Variants in GRID2 observed in about 807,000 individuals in gnomAD.
GRID2 encodes glutamate ionotropic receptor delta type subunit 2.
In GRID2, 33 loss-of-function variants were observed where a neutral mutation model predicts 114.8. The ratio of observed to expected loss-of-function variants is 0.29; its 90% confidence interval spans 0.22 to 0.38. The LOEUF is 0.38. GRID2 is among the 10% of genes least tolerant of loss of function. The probability of loss-of-function intolerance (pLI) is 1.00; values close to 1 mark genes in which losing one functional copy is unlikely to be tolerated. For synonymous variants in GRID2, 505 were observed against 449.9 expected, an observed-to-expected ratio of 1.12 and a Z score of -1.55; for missense variants, 1,184 against 1,257.7, an observed-to-expected ratio of 0.94 and a Z score of 0.89.
intron 10 of GRID2, among the ~76,000 whole-genome samples, chr4:93,443,725 C>CCTGG (rs1721830507): frequency 6.6e-6 from 1 of 151,694 alleles, no homozygotes. Context: ...GGTCAGAGTG[C>CCTGG]CTGGCTAAGA....
intron 1 of GRID2, among the ~76,000 whole-genome samples, chr4:92,391,442 CAGTATT>C (rs1159594934): frequency 6.6e-6 from 1 of 151,938 alleles, no homozygotes; most frequent in Non-Finnish European, 1.5e-5. Flanking sequence ...ATAATATTAA[CAGTATT>C]AGTAGAAAAT....
intron 8 of GRID2, among the ~76,000 whole-genome samples, chr4:93,239,820 G>T (rs527419246): frequency 1.3e-5 from 2 of 151,516 alleles, no homozygotes; most frequent in African/African-American, 4.8e-5. Context: ...TAATTTATTT[G>T]CATTTAAAAT....
chr4:93,503,256 A>C (rs1728299757), intron 12 of GRID2, among the ~76,000 whole-genome samples: 1 of 152,084 alleles, frequency 6.6e-6, no homozygotes, highest in Non-Finnish European at 1.5e-5. Context: ...TGGCAGAAGA[A>C]TATTATTAAA....
At chr4:93,287,609 A>G (rs1235232655) in intron 8 of GRID2, among the ~76,000 whole-genome samples, 1 of 152,222 alleles carries the variant, frequency 6.6e-6, no homozygotes, top group Non-Finnish European at 1.5e-5. Flanking sequence ...GTTTAACTTA[A>G]TGAAAGGACA....
intron 14 of GRID2, among the ~76,000 whole-genome samples, chr4:93,670,267 C>T (rs1233212025): frequency 2.6e-5 from 4 of 152,086 alleles, no homozygotes; most frequent in Non-Finnish European, 5.9e-5. Context: ...CCCTGAAACT[C>T]AAGGTGCAGT....
At chr4:92,772,411 G>T (rs963034467) in intron 2 of GRID2, among the ~76,000 whole-genome samples, 1 of 151,928 alleles carries the variant, frequency 6.6e-6, no homozygotes, top group African/African-American at 2.4e-5. Flanking sequence ...TCTTCCTGCA[G>T]TTTATGGCGT....
At chr4:92,305,835 TTTTTCGGAAATTCGCTTACCGAGCCAG>T (rs1725374821) in intron 1 of GRID2, among the ~76,000 whole-genome samples, 1 of 152,218 alleles carries the variant, frequency 6.6e-6, no homozygotes, top group South Asian at 2.1e-4. Context: ...CGACGATTTC[TTTTTCGGAAATTCGCTTACCGAGCCAG>T]CAAGGTTTCT....
intron 1 of GRID2, among the ~76,000 whole-genome samples, chr4:92,539,450 TCTA>T (rs1427609735): frequency 3.9e-5 from 6 of 152,176 alleles, no homozygotes; most frequent in Non-Finnish European, 8.8e-5. Flanking sequence ...ATAATATTAA[TCTA>T]CTGTTCCATA....
At chr4:92,933,037 C>T (rs980210706) in intron 2 of GRID2, among the ~76,000 whole-genome samples, 1 of 150,568 alleles carries the variant, frequency 6.6e-6, no homozygotes, top group Non-Finnish European at 1.5e-5. Context: ...ATTAGCAAAA[C>T]CTATCAAATA....
intron 2 of GRID2, among the ~76,000 whole-genome samples, chr4:92,674,942 A>G (rs924985410): frequency 2.6e-5 from 4 of 151,464 alleles, no homozygotes; most frequent in Non-Finnish European, 5.9e-5. Context: ...TGTATTGACT[A>G]TTTTCTTTTT....
At chr4:93,406,724 A>G (rs1280298743) in intron 9 of GRID2, among the ~76,000 whole-genome samples, 2 of 152,158 alleles carry the variant, frequency 1.3e-5, no homozygotes, top group Non-Finnish European at 2.9e-5. Flanking sequence ...AAATATCTAT[A>G]TAGATATAAA....
chr4:93,550,973 G>C (rs1018261472), intron 13 of GRID2, among the ~76,000 whole-genome samples: 2 of 152,124 alleles, frequency 1.3e-5, no homozygotes, highest in Admixed American at 6.5e-5. Flanking sequence ...CACACTTACT[G>C]GATTTGAATG....
intron 8 of GRID2, among the ~76,000 whole-genome samples, chr4:93,354,929 C>T (rs1761187074): frequency 6.7e-6 from 1 of 149,234 alleles, no homozygotes; most frequent in Non-Finnish European, 1.5e-5. Flanking sequence ...TGGTTGCCCC[C>T]TGAGTGTGTG....
At chr4:92,592,157 G>A (rs892955302) in intron 2 of GRID2, among the ~76,000 whole-genome samples, 2 of 151,972 alleles carry the variant, frequency 1.3e-5, no homozygotes, top group Non-Finnish European at 2.9e-5. Flanking sequence ...TCATTTTTAA[G>A]AAATCTGTAT....
At chr4:93,323,389 C>G (rs9993249) in intron 8 of GRID2, among the ~76,000 whole-genome samples, 51,455 of 151,900 alleles carry the variant, frequency 0.34, 10,149 homozygotes, top group African/African-American at 0.54. Context: ...GGGCTCTGTT[C>G]TGTTCCATTG....
chr4:92,702,343 A>C (rs562083615), intron 2 of GRID2: 1 of 152,170 alleles, frequency 6.6e-6, no homozygotes, highest in East Asian at 1.9e-4. Flanking sequence ...CTTCTTAACA[A>C]CATGCCTATA....
At chr4:93,454,316 T>A (rs1441955825) in intron 10 of GRID2, among the ~76,000 whole-genome samples, 1 of 152,040 alleles carries the variant, frequency 6.6e-6, no homozygotes, top group African/African-American at 2.4e-5. Context: ...GAATGATAGC[T>A]GCAATATGGT....
chr4:92,890,340 T>C (rs1746675832), intron 2 of GRID2, among the ~76,000 whole-genome samples: 1 of 152,148 alleles, frequency 6.6e-6, no homozygotes, highest in Non-Finnish European at 1.5e-5. Context: ...ACCTACAGAC[T>C]GGGACAAAAT....
chr4:93,540,385 A>G (rs1732543237), intron 13 of GRID2, among the ~76,000 whole-genome samples: 2 of 152,036 alleles, frequency 1.3e-5, no homozygotes, highest in South Asian at 4.1e-4. Context: ...CACTATTGCA[A>G]TAGAGACTTT....
Sources: gnomAD v4.1 joint callset for allele counts (sites outside exome capture counted in the v4.1 genomes callset) on GRCh38, gnomAD v4.1.1 for gene constraint, MANE v1.5 for transcripts, NCBI Gene and HGNC (gene_info 2026-07-23, HGNC 2026-07-21) for gene names.